Variants in TANC2 observed in about 807,000 individuals in gnomAD.
TANC2 encodes the protein tetratricopeptide repeat, ankyrin repeat and coiled-coil containing 2.
TANC2 carries 26 observed loss-of-function variants against 210.5 expected under a neutral mutation model. The ratio of observed to expected loss-of-function variants is 0.12; its 90% confidence interval spans 0.09 to 0.17. The LOEUF (loss-of-function observed/expected upper bound fraction) is 0.17. Among genes scored for constraint, TANC2 ranks in the 10% least tolerant of loss-of-function variants. The pLI is 1.00. For synonymous variants in TANC2, 931 were observed against 967.1 expected (o/e 0.96, Z 0.69); for missense variants, 2,129 against 2,608.9 (o/e 0.82, Z 4.01).
intron 7 of TANC2, among the ~76,000 whole-genome samples, chr17:63,212,937 C>G (rs2041928002): frequency 6.6e-6 from 1 of 152,174 alleles, no homozygotes; most frequent in Admixed American, 6.5e-5. Flanking sequence ...AATAGTTGCT[C>G]ATTTTTAATT....
At chr17:63,087,561 G>C (rs2037021108) in intron 3 of TANC2, among the ~76,000 whole-genome samples, 1 of 152,130 alleles carries the variant, frequency 6.6e-6, no homozygotes, top group Non-Finnish European at 1.5e-5. Context: ...TGATGGTTAA[G>C]AAGAATACCA....
chr17:63,425,095 C>G (rs1395443021), exon 28 of TANC2: 1 of 141,852 alleles, frequency 7.0e-6, no homozygotes, highest in Non-Finnish European at 1.6e-5. Flanking sequence ...AAATGGAGAC[C>G]ATTTTGTATC....
In TANC2 at chr17:63,421,477, G is replaced by A. The variant is rs1023719647; in HGVS notation, c.5747G>A (p.Gly1916Asp). 1 of 1,613,978 alleles carries A rather than the reference G, an allele frequency of 6.2e-7. No individual in the cohort carries two copies. Among genetic ancestry groups the A allele is most frequent in the South Asian group, 1.1e-5 (1 of 91,082 alleles). The change falls in exon 28 of 28, where the codon GGT becomes GAT. Residue 1916 changes from glycine (G) to aspartate (D), a missense_variant. Transcript: ENST00000689528. This position sits in a 1 kb window ranked among gnomAD's most constrained non-coding sequence, Gnocchi z 6.9. The stretch of plus-strand genomic sequence containing the variant: ...TCGCCAGTGTCTCCAACTCAAGGAG[G>A]TTACCCCAGTGAGCCCACCCGATCC...
rs188923247 is a variant in TANC2 at position 63,119,506 on chromosome 17, A to T, written c.322+20149A>T. Among the ~76,000 whole-genome samples, 434 of 152,374 alleles carry T rather than the reference A, an allele frequency of 2.8e-3. 1 individual carries two copies. The highest frequency in any genetic ancestry group is 0.01 in the African/African-American group (420 of 41,600). On this transcript the variant is annotated intron_variant, in intron 4 of 27. Transcript: ENST00000689528. ...ACAGTTATATATGTCATTAATAACA[A>T]GATTTTGCTTCCGTCATCTATAACG...
chr17:63,066,582 C>T (rs1598345105), intron 2 of TANC2, among the ~76,000 whole-genome samples: 1 of 152,092 alleles, frequency 6.6e-6, no homozygotes, highest in East Asian at 1.9e-4. Flanking sequence ...AAATGCTCAC[C>T]ACCCCTTTCC....
At chr17:63,051,586 CT>C (rs2035584233) in intron 2 of TANC2, among the ~76,000 whole-genome samples, 1 of 152,114 alleles carries the variant, frequency 6.6e-6, no homozygotes, top group East Asian at 1.9e-4. Flanking sequence ...ATAAATTAAA[CT>C]TTATTATAGC....
At chr17:63,107,584 A>G (rs964088567) in intron 4 of TANC2, among the ~76,000 whole-genome samples, 1 of 151,736 alleles carries the variant, frequency 6.6e-6, no homozygotes, top group African/African-American at 2.4e-5. Context: ...AAACAGTTTG[A>G]TGTTCATCAG....
chr17:63,174,576 G>T (rs1481910428), intron 5 of TANC2, among the ~76,000 whole-genome samples: 1 of 152,122 alleles, frequency 6.6e-6, no homozygotes, highest in Non-Finnish European at 1.5e-5. Context: ...ACCAAATTTG[G>T]TGTAAATAAA....
At position 63,418,457 on chromosome 17, in the gene TANC2, T is replaced by G. The variant is rs749562792; in HGVS notation, c.4268+50T>G. 6.4e-7 allele frequency: 1 copy of G among 1,567,160 alleles called. No individual in the cohort carries two copies. Among genetic ancestry groups the G allele is most frequent in the South Asian group, 1.2e-5 (1 of 85,804 alleles). ...AGCAAGAGGTCTCTTTTCTGAAAAT[T>G]TGGCCAAGGCAGCGTCGGCCACCCT... On this transcript the variant is annotated intron_variant, in intron 27 of 27. Coordinates refer to ENST00000689528, the Ensembl canonical transcript of TANC2. This position sits in a 1 kb window ranked among gnomAD's most constrained non-coding sequence, Gnocchi z 4.6.
intron 1 of TANC2, among the ~76,000 whole-genome samples, chr17:63,003,239 G>A (rs1342035703): frequency 6.6e-6 from 1 of 152,122 alleles, no homozygotes; most frequent in Non-Finnish European, 1.5e-5. Context: ...ATTTGGGTGT[G>A]GGTCATTTAT....
At chr17:63,401,061 G>A (rs983225095) in intron 19 of TANC2, among the ~76,000 whole-genome samples, 2 of 152,130 alleles carry the variant, frequency 1.3e-5, no homozygotes, top group Non-Finnish European at 2.9e-5. Flanking sequence ...AGTATAGAAT[G>A]GACTTTGATT....
At chr17:63,272,594 A>AT (rs2043745977) in intron 9 of TANC2, among the ~76,000 whole-genome samples, 2 of 152,236 alleles carry the variant, frequency 1.3e-5, no homozygotes, top group African/African-American at 4.8e-5. Flanking sequence ...ATGAGCATGA[A>AT]ATTTTTTTTA....
At chr17:63,244,363 C>T (rs893541065) in intron 8 of TANC2, among the ~76,000 whole-genome samples, 3 of 152,164 alleles carry the variant, frequency 2.0e-5, no homozygotes, top group African/African-American at 7.2e-5. Context: ...TGTTTCATCC[C>T]ATTACCATTC....
In TANC2 at chr17:63,227,000, C is replaced by G. The variant is rs563216604; in HGVS notation, c.770-10814C>G. 2.4e-4 allele frequency among the ~76,000 whole-genome samples: 36 copies of G among 152,192 alleles called. 1 individual carries two copies. The highest frequency in any genetic ancestry group is 2.1e-4 in the South Asian group (1 of 4,808). ...ACCACATTTTCTTTATCTAGTCTAT[C>G]ATTTATGGGTGTTTGGGTTTATTCC... On this transcript the variant is annotated intron_variant, in intron 7 of 27. Coordinates refer to ENST00000689528, the Ensembl canonical transcript of TANC2.
At chr17:63,350,779 C>G (rs2046578951) in intron 12 of TANC2, among the ~76,000 whole-genome samples, 1 of 151,424 alleles carries the variant, frequency 6.6e-6, no homozygotes, top group South Asian at 2.1e-4. Flanking sequence ...ACATGCAGTC[C>G]TATATACTGT....
chr17:63,168,265 G>A (rs1387931624), intron 5 of TANC2, among the ~76,000 whole-genome samples: 1 of 152,176 alleles, frequency 6.6e-6, no homozygotes, highest in Admixed American at 6.5e-5. Flanking sequence ...ATGAGGAAGG[G>A]TAAGTAGAGA....
At chr17:63,269,759 C>G (rs1387668523) in intron 9 of TANC2, among the ~76,000 whole-genome samples, 1 of 152,030 alleles carries the variant, frequency 6.6e-6, no homozygotes, top group African/African-American at 2.4e-5. Context: ...TTACAAATAC[C>G]AGTTTTATCT....
intron 4 of TANC2, among the ~76,000 whole-genome samples, chr17:63,116,389 C>T (rs2038252666): frequency 6.6e-6 from 1 of 152,216 alleles, no homozygotes; most frequent in East Asian, 1.9e-4. Context: ...TCCTACTATC[C>T]CCTGGAAGGG....
At chr17:63,099,698 C>A (rs1165826332) in intron 4 of TANC2, among the ~76,000 whole-genome samples, 7 of 152,140 alleles carry the variant, frequency 4.6e-5, no homozygotes, top group African/African-American at 1.7e-4. Flanking sequence ...TGGAGACATT[C>A]TAATTTTAGG....
Sources: gnomAD v4.1 joint callset for allele counts (sites outside exome capture counted in the v4.1 genomes callset) on GRCh38, gnomAD v4.1.1 for gene constraint, Gnocchi (gnomAD v3.1) non-coding constraint, MANE v1.5 for transcripts, NCBI Gene and HGNC (gene_info 2026-07-23, HGNC 2026-07-21) for gene names.